Variants in PPP1R21 observed in about 807,000 individuals in gnomAD.
PPP1R21 encodes the protein protein phosphatase 1 regulatory subunit 21.
In PPP1R21, 85 loss-of-function variants were observed where a neutral mutation model predicts 112.8. The ratio of observed to expected loss-of-function variants is 0.75; its 90% CI spans 0.63 to 0.90. PPP1R21 has a LOEUF of 0.90. Among genes scored for constraint, PPP1R21 ranks in the 40% least tolerant of loss-of-function variants. The pLI, the probability that PPP1R21 is intolerant of heterozygous loss-of-function variation, is 0.00. For synonymous variants in PPP1R21, 381 were observed against 322.3 expected, an observed-to-expected ratio of 1.18 and a Z score of -1.95; for missense variants, 1,199 against 901.5, an observed-to-expected ratio of 1.33 and a Z score of -4.23.
At chr2:48,446,835 C>T (rs931824449) in intron 1 of PPP1R21, among the ~76,000 whole-genome samples, 2 of 152,176 alleles carry the variant, frequency 1.3e-5, no homozygotes, top group Admixed American at 6.5e-5. Flanking sequence ...CAACCTCCGT[C>T]CGTCTCCTGG....
At chr2:48,461,005 C>T in intron 6 of PPP1R21, 133 bp from the exon 7 acceptor site, 1 of 1,392,780 alleles carries the variant, frequency 7.2e-7, no homozygotes, top group South Asian at 1.6e-5. Context: ...TTTAACAACT[C>T]TCTGCCAAGA....
rs565818194 is a variant in PPP1R21, at chr2:48,456,500, C to G, written c.274-1626C>G. Among the ~76,000 whole-genome samples, 16 of 152,200 alleles carry G rather than the reference C, an allele frequency of 1.1e-4. No individual in the cohort carries two copies. The South Asian group carries it at 3.3e-3, about 32-fold the overall frequency. On this transcript the variant is annotated intron_variant, in intron 3 of 21. Coordinates refer to ENST00000294952, the MANE Select transcript of PPP1R21 (RefSeq NM_001135629.3). ...TGTGACTTTCGGCACAATTTTTAAC[C>G]TTGTAATCTTAGTTTCTCCATCAGC...
intron 13 of PPP1R21, among the ~76,000 whole-genome samples, chr2:48,480,586 A>G (rs1453433050): frequency 2.6e-5 from 4 of 152,156 alleles, no homozygotes; most frequent in Admixed American, 2.6e-4. Context: ...CTTTTATTTC[A>G]TATGCTTCTT....
chr2:48,447,613 C>T (rs2103742147), intron 1 of PPP1R21, among the ~76,000 whole-genome samples: 1 of 152,262 alleles, frequency 6.6e-6, no homozygotes, highest in East Asian at 1.9e-4. Flanking sequence ...TCATTTGCCT[C>T]CCCTCTGTGG....
intron 17 of PPP1R21, among the ~76,000 whole-genome samples, chr2:48,502,795 C>G (rs1341332782): frequency 6.6e-6 from 1 of 151,560 alleles, no homozygotes; most frequent in Non-Finnish European, 1.5e-5. Context: ...ATTCTCCTGC[C>G]TCAGGCTTCC....
intron 17 of PPP1R21, among the ~76,000 whole-genome samples, chr2:48,504,756 C>T (rs924735228): frequency 6.6e-6 from 1 of 152,216 alleles, no homozygotes; most frequent in Non-Finnish European, 1.5e-5. Context: ...CATGCCCCAC[C>T]ACCTTGAACA....
chr2:48,479,339 G>C (rs1472625655), intron 12 of PPP1R21: 1 of 376,122 alleles, frequency 2.7e-6, no homozygotes, highest in African/African-American at 2.1e-5. Flanking sequence ...TGGGAGGGAG[G>C]TAGTGATTCT....
chr2:48,492,047 C>G lies in PPP1R21; in HGVS notation c.1599+877C>G, dbSNP rs529640756. Among the ~76,000 whole-genome samples the G allele has an allele frequency of 7.9e-5, 12 of 152,324 alleles. No homozygotes were observed. The South Asian group carries it at 2.3e-3, about 29-fold the overall frequency. On this transcript the variant is annotated intron_variant, in intron 15 of 21. Coordinates refer to ENST00000294952, the MANE Select transcript of PPP1R21 (RefSeq NM_001135629.3). ...TATTTAAGTTGTTGCCTGTTTTTCA[C>G]TGTTACAGTGGAGTGCTACAGTGGA...
At chr2:48,446,624 A>G (rs1377515526) in intron 1 of PPP1R21, among the ~76,000 whole-genome samples, 1 of 152,196 alleles carries the variant, frequency 6.6e-6, no homozygotes, top group Admixed American at 6.5e-5. Flanking sequence ...TTAAATAACT[A>G]AAAATTTATT....
intron 7 of PPP1R21, 129 bp from the exon 8 acceptor site, chr2:48,464,808 G>A: frequency 1.6e-6 from 1 of 615,124 alleles, no homozygotes; most frequent in East Asian, 3.3e-5. Flanking sequence ...CCATTATTCT[G>A]TATTGTTGAT....
chr2:48,510,471 T>G (rs1167599239), intron 20 of PPP1R21, among the ~76,000 whole-genome samples: 2 of 152,256 alleles, frequency 1.3e-5, no homozygotes, highest in African/African-American at 4.8e-5. Context: ...AAAACGGATC[T>G]AAACTGAAAG....
intron 1 of PPP1R21, among the ~76,000 whole-genome samples, chr2:48,447,165 A>G (rs1219948476): frequency 6.6e-6 from 1 of 152,222 alleles, no homozygotes; most frequent in Non-Finnish European, 1.5e-5. Flanking sequence ...TGCCAAAGGA[A>G]CTGAGGCACA....
rs558473704 is a variant in PPP1R21 at position 48,482,447 on chromosome 2, G to C, written c.1318+2431G>C. On this transcript the variant is annotated intron_variant, in intron 13 of 21. Transcript: ENST00000294952. Reference sequence around the variant, plus strand: ...TTGAGGGAAAAGTACATGTGCTCTGGAAGGAATGTGTAAGTGGGTATAGCA... The same window carrying C: ...TTGAGGGAAAAGTACATGTGCTCTGCAAGGAATGTGTAAGTGGGTATAGCA... Among the ~76,000 whole-genome samples the C allele has an allele frequency of 3.9e-5, 6 of 152,304 alleles. No homozygotes were observed. In the South Asian group the frequency reaches 6.2e-4, roughly 16 times the overall value.
intron 9 of PPP1R21, among the ~76,000 whole-genome samples, chr2:48,466,598 G>A (rs567669375): frequency 1.3e-5 from 2 of 152,086 alleles, no homozygotes; most frequent in Non-Finnish European, 2.9e-5. Flanking sequence ...TGAGATCACC[G>A]GGGAATGGAG....
intron 15 of PPP1R21, among the ~76,000 whole-genome samples, chr2:48,494,574 G>A (rs1171737665): frequency 1.3e-5 from 2 of 151,730 alleles, no homozygotes; most frequent in South Asian, 2.1e-4. Flanking sequence ...CACCTCCCCC[G>A]GCTAATTGTT....
chr2:48,468,404 GA>G (rs766734060), intron 9 of PPP1R21, among the ~76,000 whole-genome samples: 2 of 152,158 alleles, frequency 1.3e-5, no homozygotes, highest in Non-Finnish European at 2.9e-5. Context: ...TTGGGCCTTT[GA>G]AATGTTCTTT....
At chr2:48,459,153 AT>A (rs1325901485) in intron 4 of PPP1R21, among the ~76,000 whole-genome samples, 6 of 146,890 alleles carry the variant, frequency 4.1e-5, no homozygotes, top group Admixed American at 1.4e-4. Context: ...CTCCTTACTT[AT>A]TTTTTTTTGG....
Position 48,486,742 on chromosome 2 carries a change from C to T in PPP1R21, c.1430C>T (p.Thr477Ile), listed in dbSNP as rs774147710. 1 of 1,612,984 alleles carries T rather than the reference C, an allele frequency of 6.2e-7. No homozygotes were observed. The part of the protein sequence containing the change: ...DCILSSVVAL[T>I]NGAGKIASFF... ...ATCCTGTCATCAGTAGTGGCATTAA[C>T]AAATGGAGCAGGAAAGGTAATTCTC... Residue 477 changes from threonine to isoleucine, a missense_variant, in exon 14 of 22, where the codon ACA becomes ATA. Coordinates refer to ENST00000294952, the MANE Select transcript of PPP1R21 (RefSeq NM_001135629.3).
chr2:48,504,342 T>A (rs778380907), intron 17 of PPP1R21, among the ~76,000 whole-genome samples: 1 of 152,332 alleles, frequency 6.6e-6, no homozygotes, highest in Non-Finnish European at 1.5e-5. Flanking sequence ...TTATTTAGAA[T>A]ACATTAAAAC....
Sources: allele counts gnomAD v4.1 joint callset (sites outside exome capture counted in the v4.1 genomes callset), GRCh38; gene constraint gnomAD v4.1.1; transcripts MANE v1.5; gene names NCBI Gene and HGNC (gene_info 2026-07-23, HGNC 2026-07-21).